Variants in IKBKB observed in about 807,000 individuals in gnomAD.
IKBKB encodes inhibitor of nuclear factor kappa-B kinase subunit beta.
IKBKB carries 42 observed loss-of-function variants against 113.6 expected under a neutral mutation model. The observed-to-expected ratio is 0.37, with a 90% CI of 0.29 to 0.48. The LOEUF is 0.48. Among genes scored for constraint, IKBKB ranks in the 20% least tolerant of loss-of-function variants. The pLI is 0.99. For synonymous variants in IKBKB, 296 were observed against 361.3 expected, an observed-to-expected ratio of 0.82 and a Z score of 2.05; for missense variants, 673 against 939.7, an observed-to-expected ratio of 0.72 and a Z score of 3.71.
At chr8:42,298,907 C>A (rs1021214821) in intron 5 of IKBKB, among the ~76,000 whole-genome samples, 1 of 152,192 alleles carries the variant, frequency 6.6e-6, no homozygotes, top group Non-Finnish European at 1.5e-5. Flanking sequence ...TCTCCACTGC[C>A]TGCCCCTGCA....
intron 12 of IKBKB, among the ~76,000 whole-genome samples, chr8:42,318,312 G>A (rs1376505219): frequency 1.3e-5 from 2 of 151,776 alleles, no homozygotes; most frequent in Non-Finnish European, 2.9e-5. Context: ...ATATACATAT[G>A]TGTCCAATGG....
chr8:42,325,634 G>A (rs1359795911), intron 19 of IKBKB: 5 of 1,032,304 alleles, frequency 4.8e-6, no homozygotes, highest in South Asian at 3.1e-5. Flanking sequence ...AGCCAAGATC[G>A]CACATCGCAC....
At chr8:42,272,708 G>A (rs923642206) in intron 2 of IKBKB, among the ~76,000 whole-genome samples, 2 of 152,046 alleles carry the variant, frequency 1.3e-5, no homozygotes, top group Non-Finnish European at 1.5e-5. Context: ...GGGAGGCTGA[G>A]GCAGGCGGAT....
At chr8:42,279,223 C>T (rs1809825797) in intron 2 of IKBKB, among the ~76,000 whole-genome samples, 1 of 152,244 alleles carries the variant, frequency 6.6e-6, no homozygotes, top group Admixed American at 6.5e-5. Context: ...AGTCTTTGAT[C>T]ATTGTCCAAG....
At chr8:42,273,497 A>G (rs919133475) in intron 2 of IKBKB, among the ~76,000 whole-genome samples, 1 of 151,994 alleles carries the variant, frequency 6.6e-6, no homozygotes, top group Admixed American at 6.6e-5. Flanking sequence ...CTGCACGGCA[A>G]AAAATAAGCA....
chr8:42,330,094 C>T, intron 21 of IKBKB: 1 of 985,404 alleles, frequency 1.0e-6, no homozygotes, highest in Non-Finnish European at 1.2e-6. Flanking sequence ...GAGGAAGTCT[C>T]ATCAGGCCAA....
intron 19 of IKBKB, among the ~76,000 whole-genome samples, chr8:42,323,728 T>C (rs141189268): frequency 1.1e-3 from 166 of 152,230 alleles, no homozygotes; most frequent in Middle Eastern, 6.8e-3. Context: ...GGAGCGTGAT[T>C]GACACATCCT....
At chr8:42,321,752 A>G in intron 16 of IKBKB, 144 bp from the exon 17 acceptor site, 1 of 617,032 alleles carries the variant, frequency 1.6e-6, no homozygotes, top group Non-Finnish European at 2.9e-6. Context: ...GCACCTTGGG[A>G]TGCCAAGGCA....
intron 16 of IKBKB, 195 bp downstream of exon 16, chr8:42,321,039 T>C (rs1292357330): frequency 6.2e-6 from 3 of 481,166 alleles, no homozygotes; most frequent in Non-Finnish European, 1.1e-5. Flanking sequence ...AAAACAGTCT[T>C]AAGTCACGAA....
At chr8:42,284,422 A>G (rs1325832894) in intron 2 of IKBKB, among the ~76,000 whole-genome samples, 1 of 152,018 alleles carries the variant, frequency 6.6e-6, no homozygotes, top group African/African-American at 2.4e-5. Flanking sequence ...CTCTACTAAA[A>G]ATACAAAAAA....
intron 2 of IKBKB, among the ~76,000 whole-genome samples, chr8:42,276,829 G>T (rs1312862639): frequency 1.2e-4 from 18 of 150,486 alleles, no homozygotes; most frequent in Non-Finnish European, 2.7e-4. Context: ...TGAGTAGCTG[G>T]GATTACAGGC....
intron 5 of IKBKB, among the ~76,000 whole-genome samples, chr8:42,296,442 C>T (rs1191075224): frequency 2.0e-5 from 3 of 152,266 alleles, no homozygotes; most frequent in African/African-American, 7.2e-5. Flanking sequence ...CCAGCCTGGC[C>T]AACATGGTGA....
chr8:42,289,438 A>G (rs950296470), intron 3 of IKBKB, among the ~76,000 whole-genome samples: 3 of 152,170 alleles, frequency 2.0e-5, no homozygotes, highest in Non-Finnish European at 4.4e-5. Context: ...CTTTCCTCCT[A>G]TATTTCCAGT....
Position 42,320,774 on chromosome 8 carries a change from C to T in IKBKB, c.1618C>T (p.Leu540=), listed in dbSNP as rs766303229. 1 of 1,611,868 alleles carries T rather than the reference C, an allele frequency of 6.2e-7. No homozygotes were observed. The highest frequency in any genetic ancestry group is 8.5e-7 in the Non-Finnish European group (1 of 1,178,896). ...ACTCCTGGTAGAACGGATGATGGCT[C>T]TGCAGACCGACATTGTGGACTTACA... is the stretch of plus-strand genomic sequence containing the variant. ...VKLLVERMMA[L]QTDIVDLQRS... is the part of the protein sequence containing the mutation. Residue 540 remains leucine (L), a synonymous_variant, in exon 16 of 22, where the codon CTG becomes TTG. Transcript: ENST00000520810.
chr8:42,310,192 C>CA (rs1435776320), intron 8 of IKBKB, among the ~76,000 whole-genome samples: 1 of 152,204 alleles, frequency 6.6e-6, no homozygotes, highest in African/African-American at 2.4e-5. Flanking sequence ...AGAGGCCACA[C>CA]ACTAGTTTAA....
intron 3 of IKBKB, 151 bp from the exon 4 acceptor site, chr8:42,290,005 A>G (rs974837680): frequency 1.7e-6 from 1 of 599,976 alleles, no homozygotes; most frequent in Non-Finnish European, 3.0e-6. Flanking sequence ...TGACCCAGGC[A>G]TTGCGGTTGG....
intron 19 of IKBKB, chr8:42,325,369 T>C (rs1464044548): frequency 2.0e-6 from 2 of 985,846 alleles, no homozygotes; most frequent in African/African-American, 1.7e-5. Flanking sequence ...ACAGTAAGAA[T>C]ACTTTCCTGT....
intron 11 of IKBKB, 155 bp downstream of exon 11, chr8:42,317,059 C>G: frequency 1.4e-6 from 1 of 734,866 alleles, no homozygotes; most frequent in Non-Finnish European, 2.4e-6. Flanking sequence ...GTATGGTGTC[C>G]TCTGTGTGGC....
intron 8 of IKBKB, chr8:42,309,464 TA>T: frequency 2.5e-6 from 1 of 407,792 alleles, no homozygotes; most frequent in South Asian, 1.8e-5. Context: ...TTTTAAAGCG[TA>T]AGAATGTGGC....
Sources: allele counts gnomAD v4.1 joint callset (sites outside exome capture counted in the v4.1 genomes callset), GRCh38; gene constraint gnomAD v4.1.1; transcripts MANE v1.5; gene names NCBI Gene and HGNC (gene_info 2026-07-23, HGNC 2026-07-21).